The following TRHDE variants were observed in gnomAD, a reference collection of about 807,000 sequenced individuals.
TRHDE encodes thyrotropin releasing hormone degrading enzyme, also known as thyrotropin-releasing hormone-degrading ectoenzyme.
In TRHDE, 72 loss-of-function variants were observed where a neutral mutation model predicts 125.7. The observed-to-expected ratio is 0.57, with a 90% CI of 0.47 to 0.70. The LOEUF is 0.70. Ranked by LOEUF, TRHDE falls within the 30% of genes least tolerant of loss-of-function variation. TRHDE has a pLI of 0.00. For missense variants in TRHDE, 1,110 were observed against 1,327.1 expected (o/e 0.84, Z 2.54); for synonymous variants, 509 against 509.1 (o/e 1.00, Z 0.00).
At chr12:72,120,674 CTTTTTTT>C (rs36076979) in intron 2 of TRHDE, among the ~76,000 whole-genome samples, 3 of 118,776 alleles carry the variant, frequency 2.5e-5, no homozygotes, top group Non-Finnish European at 3.4e-5. Context: ...TACTCTTTAA[CTTTTTTT>C]TTTTTTTTTT....
intron 1 of TRHDE, among the ~76,000 whole-genome samples, chr12:72,103,693 G>A (rs1875119112): frequency 6.6e-6 from 1 of 152,154 alleles, no homozygotes. Context: ...AATGGTCTTA[G>A]TTTGGGTTGC....
chr12:72,617,160 C>G (rs1243439889), intron 12 of TRHDE, among the ~76,000 whole-genome samples: 1 of 152,026 alleles, frequency 6.6e-6, no homozygotes, highest in Non-Finnish European at 1.5e-5. Context: ...TGGCACAAAT[C>G]TAGATACACT....
At chr12:72,397,000 A>G (rs140439839) in intron 3 of TRHDE, among the ~76,000 whole-genome samples, 291 of 152,342 alleles carry the variant, frequency 1.9e-3, no homozygotes, top group African/African-American at 6.3e-3. Context: ...ATGCATTTAT[A>G]TCTTCACGTC....
At chr12:72,151,310 A>G (rs902639950) in intron 2 of TRHDE, among the ~76,000 whole-genome samples, 153 of 152,012 alleles carry the variant, frequency 1.0e-3, no homozygotes, top group Non-Finnish European at 1.8e-3. Context: ...TTGTCAGATG[A>G]GTAGATTGCA....
chr12:72,317,244 A>G (rs1868845910), intron 2 of TRHDE, among the ~76,000 whole-genome samples: 1 of 152,184 alleles, frequency 6.6e-6, no homozygotes, highest in Non-Finnish European at 1.5e-5. Flanking sequence ...CTTAAAGATG[A>G]CCAAGGTTTA....
At chr12:72,113,517 C>A (rs1875370519) in intron 2 of TRHDE, among the ~76,000 whole-genome samples, 1 of 151,816 alleles carries the variant, frequency 6.6e-6, no homozygotes. Flanking sequence ...CGATTGGTCT[C>A]GAACTCCTGA....
intron 2 of TRHDE, chr12:72,257,742 C>G (rs1878850992): frequency 6.6e-6 from 1 of 152,152 alleles, no homozygotes; most frequent in Non-Finnish European, 1.5e-5. Flanking sequence ...CTTTTAATAA[C>G]TTCACACATT....
chr12:72,587,430 G>A (rs912408494), intron 12 of TRHDE, among the ~76,000 whole-genome samples: 5 of 152,054 alleles, frequency 3.3e-5, no homozygotes, highest in African/African-American at 1.2e-4. Flanking sequence ...TTTGTAGATA[G>A]ATGATAGATT....
chr12:72,178,655 T>A (rs922100817), intron 2 of TRHDE, among the ~76,000 whole-genome samples: 1 of 152,062 alleles, frequency 6.6e-6, no homozygotes, highest in South Asian at 2.1e-4. Flanking sequence ...GAATGGCTAA[T>A]GAGAAATCTT....
intron 2 of TRHDE, among the ~76,000 whole-genome samples, chr12:72,157,146 C>T (rs1424767293): frequency 1.3e-5 from 2 of 149,692 alleles, no homozygotes; most frequent in Admixed American, 6.7e-5. Context: ...TGAGCTCTGT[C>T]GCCCAGGCTG....
At chr12:72,650,610 G>A (rs1034447353) in intron 15 of TRHDE, among the ~76,000 whole-genome samples, 3 of 151,982 alleles carry the variant, frequency 2.0e-5, no homozygotes, top group Non-Finnish European at 4.4e-5. Flanking sequence ...ATCTTAGAAA[G>A]TAAACTTACT....
At chr12:72,293,657 T>G (rs1880175258) in intron 2 of TRHDE, among the ~76,000 whole-genome samples, 1 of 152,192 alleles carries the variant, frequency 6.6e-6, no homozygotes, top group African/African-American at 2.4e-5. Flanking sequence ...TTGCCCTGGC[T>G]TGAGTCAATG....
chr12:72,438,964 G>C (rs1342496003), intron 3 of TRHDE, among the ~76,000 whole-genome samples: 2 of 151,718 alleles, frequency 1.3e-5, no homozygotes, highest in Non-Finnish European at 1.5e-5. Context: ...ATCCATTTGA[G>C]TTGATTCTTG....
In TRHDE at chr12:72,529,319, C is replaced by A. The variant is rs574613809; in HGVS notation, c.1723-12972C>A. On this transcript the variant is annotated intron_variant, in intron 6 of 18. Transcript: ENST00000261180. ...GAGGATATTGCCAGATATACATATA[C>A]TCAAGACCCAAAGTCAGCAGTTATT... 3.3e-5 allele frequency among the ~76,000 whole-genome samples: 5 copies of A among 152,068 alleles called. No homozygotes were observed. In the East Asian group the frequency reaches 9.7e-4, roughly 29 times the overall value.
intron 6 of TRHDE, among the ~76,000 whole-genome samples, chr12:72,532,427 T>G (rs939466494): frequency 6.6e-6 from 1 of 151,534 alleles, no homozygotes; most frequent in African/African-American, 2.4e-5. Flanking sequence ...TTAAATTTCA[T>G]TCGTTCATTT....
At chr12:72,334,219 CA>C (rs1368880146) in intron 2 of TRHDE, among the ~76,000 whole-genome samples, 2 of 152,218 alleles carry the variant, frequency 1.3e-5, no homozygotes, top group Non-Finnish European at 2.9e-5. Context: ...CCATAGTCGA[CA>C]TTTTGCTCAT....
At chr12:72,373,676 AT>A (rs1871728888) in intron 2 of TRHDE, among the ~76,000 whole-genome samples, 3 of 152,196 alleles carry the variant, frequency 2.0e-5, no homozygotes, top group Admixed American at 1.3e-4. Flanking sequence ...CAAGTGTGGG[AT>A]TTGGACAAGT....
chr12:72,286,525 A>G (rs1399912888), intron 1 of TRHDE, among the ~76,000 whole-genome samples, 156 bp from the exon 2 acceptor site: 2 of 152,202 alleles, frequency 1.3e-5, no homozygotes, highest in East Asian at 3.8e-4. Flanking sequence ...TTACATATGG[A>G]TTATGCTTTC....
chr12:72,641,494 C>T (rs190979191), intron 15 of TRHDE, among the ~76,000 whole-genome samples: 97 of 152,238 alleles, frequency 6.4e-4, no homozygotes, highest in African/African-American at 2.3e-3. Flanking sequence ...TAAGAACGTA[C>T]ACATTATGTT....
Sources: gnomAD v4.1 joint callset for allele counts (sites outside exome capture counted in the v4.1 genomes callset) on GRCh38, gnomAD v4.1.1 for gene constraint, MANE v1.5 for transcripts, NCBI Gene and HGNC (gene_info 2026-07-23, HGNC 2026-07-21) for gene names.